Variants in CDH10 observed in about 807,000 individuals in gnomAD.
CDH10 encodes the protein cadherin 10.
In CDH10, 30 loss-of-function variants were observed where a neutral mutation model predicts 73.1. The observed-to-expected ratio is 0.41, with a 90% CI of 0.31 to 0.56. The LOEUF (loss-of-function observed/expected upper bound fraction) is 0.56. Among genes scored for constraint, CDH10 ranks in the 20% least tolerant of loss-of-function variants. The pLI, the probability that CDH10 is intolerant of heterozygous loss-of-function variation, is 0.27. For missense variants in CDH10, 815 were observed against 973.7 expected (o/e 0.84, Z 2.17); for synonymous variants, 345 against 348.2 (o/e 0.99, Z 0.10).
intron 1 of CDH10, among the ~76,000 whole-genome samples, chr5:24,621,952 T>C (rs992904525): frequency 6.6e-6 from 1 of 152,120 alleles, no homozygotes; most frequent in Non-Finnish European, 1.5e-5. Flanking sequence ...ACTGGAGTGC[T>C]GTGAGTCCTG....
chr5:24,494,681 C>T (rs1198346173), intron 9 of CDH10, among the ~76,000 whole-genome samples: 1 of 151,810 alleles, frequency 6.6e-6, no homozygotes, highest in Non-Finnish European at 1.5e-5. Flanking sequence ...ATAGTGACAT[C>T]TTTACATATA....
rs2112094110 is a variant in CDH10 at position 24,593,445 on chromosome 5, G to A, written c.46C>T (p.Leu16=). 6.2e-7 allele frequency: 1 copy of A among 1,611,284 alleles called. No individual in the cohort carries two copies. The highest frequency in any genetic ancestry group is 8.5e-7 in the Non-Finnish European group (1 of 1,177,710). Residue 16 remains leucine (L), a synonymous_variant, in exon 2 of 12, where the codon CTG becomes TTG. Transcript: ENST00000264463. Reference sequence around the variant, plus strand: ...ATTTCTGGAGAGCAGAAATGTGGCAGGCATACCCAGAATAGAAACAGTAGC... The same window carrying A: ...ATTTCTGGAGAGCAGAAATGTGGCAAGCATACCCAGAATAGAAACAGTAGC... ...FLLLFLFWVC[L]PHFCSPEIMF...
In CDH10 at chr5:24,528,853, C is replaced by A. The variant is rs995276673; in HGVS notation, c.814+6259G>T. 1.2e-4 allele frequency among the ~76,000 whole-genome samples: 18 copies of A among 151,998 alleles called. No homozygotes were observed. The South Asian group carries it at 3.7e-3, about 32-fold the overall frequency. On this transcript the variant is annotated intron_variant, in intron 5 of 11. Transcript: ENST00000264463. ...GTGCTTTGAAGCACAGGCTTAAAAG[C>A]CGAATAACCTGGATCCGCAACCTGC... is the stretch of plus-strand genomic sequence containing the variant.
chr5:24,569,436 A>T (rs1458730258), intron 2 of CDH10, among the ~76,000 whole-genome samples: 2 of 151,456 alleles, frequency 1.3e-5, no homozygotes, highest in African/African-American at 4.8e-5. Context: ...GAATTTTAGA[A>T]GCATATTGAT....
At chr5:24,536,680 T>A (rs1287492711) in intron 3 of CDH10, among the ~76,000 whole-genome samples, 2 of 152,030 alleles carry the variant, frequency 1.3e-5, no homozygotes, top group Non-Finnish European at 2.9e-5. Flanking sequence ...CTCCCATTTA[T>A]GTACATTGAA....
chr5:24,581,080 G>A (rs1257211399), intron 2 of CDH10, among the ~76,000 whole-genome samples: 1 of 152,242 alleles, frequency 6.6e-6, no homozygotes, highest in South Asian at 2.1e-4. Flanking sequence ...TCACAGTTGT[G>A]AGGATTAGGG....
At chr5:24,560,970 AT>A (rs1223638472) in intron 2 of CDH10, among the ~76,000 whole-genome samples, 1 of 152,112 alleles carries the variant, frequency 6.6e-6, no homozygotes, top group Non-Finnish European at 1.5e-5. Context: ...AAATTGATAG[AT>A]ATTATAGGCC....
chr5:24,519,441 A>T (rs949439815), intron 5 of CDH10, among the ~76,000 whole-genome samples: 1 of 152,198 alleles, frequency 6.6e-6, no homozygotes, highest in African/African-American at 2.4e-5. Context: ...TCATTTTACA[A>T]ATAAAGAGAA....
chr5:24,528,395 T>C (rs1435629532), intron 5 of CDH10, among the ~76,000 whole-genome samples: 2 of 151,924 alleles, frequency 1.3e-5, no homozygotes, highest in South Asian at 2.1e-4. Context: ...GGATCCCCAG[T>C]AGAGGAGAGG....
At chr5:24,528,518 A>G (rs185696034) in intron 5 of CDH10, among the ~76,000 whole-genome samples, 1 of 152,038 alleles carries the variant, frequency 6.6e-6, no homozygotes, top group African/African-American at 2.4e-5. Context: ...TTAAATCCCT[A>G]TGTATATCAT....
intron 1 of CDH10, among the ~76,000 whole-genome samples, chr5:24,641,161 C>G (rs1748037911): frequency 6.6e-6 from 1 of 151,776 alleles, no homozygotes; most frequent in Non-Finnish European, 1.5e-5. Flanking sequence ...CCCTTCTATT[C>G]AAGAAAGACA....
chr5:24,639,655 T>C (rs1747981391), intron 1 of CDH10, among the ~76,000 whole-genome samples: 1 of 151,784 alleles, frequency 6.6e-6, no homozygotes, highest in Admixed American at 6.6e-5. Context: ...GCTCATTATA[T>C]ACCAGATTTC....
At chr5:24,613,540 A>AAAGGAAATG (rs1156554361) in intron 1 of CDH10, among the ~76,000 whole-genome samples, 1 of 151,326 alleles carries the variant, frequency 6.6e-6, no homozygotes, top group Non-Finnish European at 1.5e-5. Flanking sequence ...AAAAAAAAAA[A>AAAGGAAATG]AGGAAATGAC....
intron 9 of CDH10, 43 bp downstream of exon 9, chr5:24,498,355 A>G (rs367790263): frequency 2.2e-6 from 3 of 1,385,278 alleles, no homozygotes; most frequent in African/African-American, 2.9e-5. Context: ...TATTTTGCAT[A>G]CAGTTAAAAT....
At chr5:24,590,341 A>G (rs1579851714) in intron 2 of CDH10, among the ~76,000 whole-genome samples, 1 of 151,000 alleles carries the variant, frequency 6.6e-6, no homozygotes, top group Non-Finnish European at 1.5e-5. Flanking sequence ...TTATAATGTA[A>G]TATTATTAGA....
At chr5:24,581,869 G>GACAAA (rs1443697598) in intron 2 of CDH10, among the ~76,000 whole-genome samples, 1 of 151,924 alleles carries the variant, frequency 6.6e-6, no homozygotes, top group African/African-American at 2.4e-5. Context: ...TAAACGTTTT[G>GACAAA]ATCTAAAAAA....
At chr5:24,517,448 A>G (rs934673058) in intron 5 of CDH10, among the ~76,000 whole-genome samples, 1 of 152,202 alleles carries the variant, frequency 6.6e-6, no homozygotes, top group Non-Finnish European at 1.5e-5. Flanking sequence ...ATTAAGTGAG[A>G]TATCAAAGAT....
intron 7 of CDH10, among the ~76,000 whole-genome samples, chr5:24,507,812 G>A (rs1000729808): frequency 1.3e-5 from 2 of 152,260 alleles, no homozygotes; most frequent in East Asian, 3.9e-4. Context: ...GTTGGTAAAT[G>A]AATTGGGGAA....
rs1356811738 is a variant in CDH10, at chr5:24,556,725, G to T, written c.232-19051C>A. Among the ~76,000 whole-genome samples the T allele has an allele frequency of 1.3e-5, 2 of 151,404 alleles. 1 individual carries two copies. The highest frequency in any genetic ancestry group is 3.0e-5 in the Non-Finnish European group (2 of 67,674). Reference sequence around the variant, plus strand: ...AATGACTAGAGAATTATAAGAAACAGAATTAAAATATTTACACAATTTAAT... The same window carrying T: ...AATGACTAGAGAATTATAAGAAACATAATTAAAATATTTACACAATTTAAT... On this transcript the variant is annotated intron_variant, in intron 2 of 11. Coordinates refer to ENST00000264463, the MANE Select transcript of CDH10 (RefSeq NM_006727.5).
Sources: gnomAD v4.1 joint callset for allele counts (sites outside exome capture counted in the v4.1 genomes callset) on GRCh38, gnomAD v4.1.1 for gene constraint, MANE v1.5 for transcripts, NCBI Gene and HGNC (gene_info 2026-07-23, HGNC 2026-07-21) for gene names.